The following LRBA variants were observed in gnomAD, a reference collection of about 807,000 sequenced individuals.
LRBA encodes the protein LPS responsive beige-like anchor protein, also known as lipopolysaccharide-responsive and beige-like anchor protein.
Under a neutral mutation model 330.0 loss-of-function variants are expected in LRBA, and 176 were observed. That is an observed-to-expected ratio of 0.53 (90% CI 0.47 to 0.60). The LOEUF (loss-of-function observed/expected upper bound fraction) is 0.60. Among genes scored for constraint, LRBA ranks in the 20% least tolerant of loss-of-function variants. The pLI is 0.00. For missense variants in LRBA, 3,259 were observed against 3,444.8 expected (o/e 0.95, Z 1.35); for synonymous variants, 1,230 against 1,193.0 (o/e 1.03, Z -0.64).
chr4:150,478,886 A>C (rs973561058), intron 42 of LRBA, among the ~76,000 whole-genome samples: 22 of 152,200 alleles, frequency 1.4e-4, no homozygotes, highest in African/African-American at 5.1e-4. Context: ...TTTAGTTTAC[A>C]TATTTGTTTT....
At chr4:150,308,294 T>C (rs1369850807) in intron 52 of LRBA, among the ~76,000 whole-genome samples, 2 of 152,186 alleles carry the variant, frequency 1.3e-5, no homozygotes, top group Non-Finnish European at 2.9e-5. Flanking sequence ...GCTGAAAAAT[T>C]CCTGTCACCT....
chr4:150,699,822 G>A (rs1199071769), intron 36 of LRBA, among the ~76,000 whole-genome samples: 1 of 152,184 alleles, frequency 6.6e-6, no homozygotes, highest in Non-Finnish European at 1.5e-5. Context: ...AACTGCTGCA[G>A]AGTAATCATG....
At chr4:150,708,069 T>C (rs1785808983) in intron 36 of LRBA, among the ~76,000 whole-genome samples, 2 of 151,754 alleles carry the variant, frequency 1.3e-5, no homozygotes, top group Admixed American at 1.3e-4. Flanking sequence ...CAACTGATAG[T>C]TCATAATATT....
intron 47 of LRBA, among the ~76,000 whole-genome samples, chr4:150,409,923 G>C (rs1390367664): frequency 6.6e-6 from 1 of 152,056 alleles, no homozygotes; most frequent in Non-Finnish European, 1.5e-5. Flanking sequence ...GAGTAAAGAG[G>C]ATGAAGACAT....
chr4:150,281,651 G>A (rs1240169911), intron 55 of LRBA, among the ~76,000 whole-genome samples: 1 of 152,094 alleles, frequency 6.6e-6, no homozygotes, highest in Non-Finnish European at 1.5e-5. Context: ...CATGTCCTGG[G>A]TCCCCTCATT....
intron 53 of LRBA, among the ~76,000 whole-genome samples, chr4:150,296,645 T>C (rs4696083): frequency 0.17 from 26,464 of 151,690 alleles, 2,775 homozygotes; most frequent in East Asian, 0.26. Context: ...CTAGAAAAAA[T>C]AGGGTTTAAC....
intron 40 of LRBA, among the ~76,000 whole-genome samples, chr4:150,585,733 T>C (rs1772034042): frequency 6.6e-6 from 1 of 152,242 alleles, no homozygotes; most frequent in Admixed American, 6.5e-5. Context: ...GCCCAGGTTT[T>C]AATTTATTGA....
At chr4:150,857,011 C>G (rs1010655081) in intron 22 of LRBA, among the ~76,000 whole-genome samples, 1 of 151,956 alleles carries the variant, frequency 6.6e-6, no homozygotes, top group African/African-American at 2.4e-5. Context: ...ACATTAAAAC[C>G]GTATAACCTG....
chr4:150,788,287 T>G (rs573835343), intron 34 of LRBA, among the ~76,000 whole-genome samples: 158 of 141,952 alleles, frequency 1.1e-3, no homozygotes, highest in Non-Finnish European at 2.0e-3. Context: ...TTAGTAGAGA[T>G]AGGGTTTCGC....
intron 37 of LRBA, among the ~76,000 whole-genome samples, chr4:150,660,872 A>G (rs1781002319): frequency 8.5e-6 from 1 of 117,886 alleles, no homozygotes; most frequent in Admixed American, 8.8e-5. Flanking sequence ...TGAAGGCAGC[A>G]TGCTCGTTAA....
rs1561352744 is a variant in LRBA, at chr4:150,559,905, TTATATATAATATATAA to T, written c.6330+28127_6330+28142del. Among the ~76,000 whole-genome samples the T allele has an allele frequency of 1.9e-4, 11 of 57,326 alleles. No homozygotes were observed. The East Asian group carries it at 3.2e-3, about 17-fold the overall frequency. The allele number at this position is 57,326 out of a possible 152,430, so 37.6% of individuals were successfully genotyped here. A position where few individuals can be genotyped will look rare whatever the true frequency, so the allele number is the denominator to read the frequency against. On this transcript the variant is annotated intron_variant, in intron 40 of 56. Transcript: ENST00000651943. ...TATAATTATATATAATTATATATAA[TTATATATAATATATAA>T]ATATAAATATATATATATCTATATA...
intron 47 of LRBA, among the ~76,000 whole-genome samples, chr4:150,360,815 C>T (rs565927435): frequency 6.6e-6 from 1 of 152,266 alleles, no homozygotes; most frequent in South Asian, 2.1e-4. Flanking sequence ...GACATAATGT[C>T]CTACAGTGTA....
At chr4:150,658,487 A>C (rs1332198997) in intron 37 of LRBA, among the ~76,000 whole-genome samples, 2 of 108,446 alleles carry the variant, frequency 1.8e-5, no homozygotes, top group East Asian at 2.9e-4. Context: ...AACTTGAAAA[A>C]CCTATCAGAA....
chr4:150,463,396 A>C (rs1755024918), intron 44 of LRBA, among the ~76,000 whole-genome samples: 1 of 152,024 alleles, frequency 6.6e-6, no homozygotes, highest in South Asian at 2.1e-4. Context: ...TATTTCACAA[A>C]ATTTCTAAAA....
At chr4:150,500,569 A>G (rs1760139352) in intron 40 of LRBA, among the ~76,000 whole-genome samples, 1 of 151,992 alleles carries the variant, frequency 6.6e-6, no homozygotes, top group Non-Finnish European at 1.5e-5. Flanking sequence ...CAAGAGCGAG[A>G]CTCTGTCTCT....
intron 42 of LRBA, among the ~76,000 whole-genome samples, chr4:150,473,763 G>A (rs1012981277): frequency 6.6e-6 from 1 of 152,084 alleles, no homozygotes; most frequent in African/African-American, 2.4e-5. Context: ...GGTGTATTGT[G>A]GGATTTCTCA....
chr4:150,983,449 CT>C (rs35205576), intron 2 of LRBA, among the ~76,000 whole-genome samples: 15,256 of 107,208 alleles, frequency 0.14, 691 homozygotes, highest in Non-Finnish European at 0.2. Flanking sequence ...AGCAAGCACT[CT>C]TTTTTTTTTT....
At chr4:150,388,809 G>A (rs1481291155) in intron 47 of LRBA, among the ~76,000 whole-genome samples, 2 of 152,098 alleles carry the variant, frequency 1.3e-5, no homozygotes, top group African/African-American at 4.8e-5. Context: ...GTAGTCACTA[G>A]CCAAATGAAG....
intron 47 of LRBA, among the ~76,000 whole-genome samples, chr4:150,407,770 A>G (rs1279375171): frequency 1.3e-5 from 2 of 152,182 alleles, no homozygotes; most frequent in African/African-American, 2.4e-5. Flanking sequence ...ATTTTGGAAA[A>G]TATTTGGAAA....
Sources: gnomAD v4.1 joint callset for allele counts (sites outside exome capture counted in the v4.1 genomes callset) on GRCh38, gnomAD v4.1.1 for gene constraint, MANE v1.5 for transcripts, NCBI Gene and HGNC (gene_info 2026-07-23, HGNC 2026-07-21) for gene names.